KCNIP4: variants seen among roughly 807,000 people sequenced by gnomAD.
The protein encoded by KCNIP4 is Kv channel-interacting protein 4.
In KCNIP4, 12 loss-of-function variants were observed where a neutral mutation model predicts 34.0. The observed-to-expected ratio is 0.35, with a 90% CI of 0.23 to 0.57. The LOEUF is 0.57. KCNIP4 is among the 20% of genes least tolerant of loss of function. The pLI, the probability that KCNIP4 is intolerant of heterozygous loss-of-function variation, is 0.83. For synonymous variants in KCNIP4, 124 were observed against 102.2 expected (o/e 1.21, Z -1.29); for missense variants, 238 against 311.7 (o/e 0.76, Z 1.78).
chr4:21,757,447 C>T (rs1428984361), intron 1 of KCNIP4, among the ~76,000 whole-genome samples: 1 of 151,976 alleles, frequency 6.6e-6, no homozygotes, highest in Non-Finnish European at 1.5e-5. Flanking sequence ...ATTATCTGTC[C>T]CAAGAGAGCA....
chr4:21,172,619 A>G (rs560325370), intron 1 of KCNIP4, among the ~76,000 whole-genome samples: 176 of 152,300 alleles, frequency 1.2e-3, no homozygotes, highest in Admixed American at 2.4e-3. Flanking sequence ...TTGTCCTGGC[A>G]CAGCATGCAT....
chr4:21,513,103 C>T (rs1734469799), intron 1 of KCNIP4, among the ~76,000 whole-genome samples: 1 of 152,148 alleles, frequency 6.6e-6, no homozygotes, highest in African/African-American at 2.4e-5. Flanking sequence ...ATGTTCCAGG[C>T]AGAGAAACAC....
Position 21,718,050 on chromosome 4 carries a change from C to A in KCNIP4, c.61+230521G>T, listed in dbSNP as rs181181392. 2.3e-3 allele frequency among the ~76,000 whole-genome samples: 355 copies of A among 152,228 alleles called. 1 individual carries two copies. Among genetic ancestry groups the A allele is most frequent in the Non-Finnish European group, 2.3e-3 (158 of 68,006 alleles). ...TTAACAAAGGGGCAAAAATAAAAAA[C>A]CATACATTCTCAGAAATAAGCATGC... On this transcript the variant is annotated intron_variant, in intron 1 of 8. Transcript: ENST00000382152.
At chr4:21,690,831 AGCTG>A (rs1233176913) in intron 1 of KCNIP4, among the ~76,000 whole-genome samples, 1 of 152,202 alleles carries the variant, frequency 6.6e-6, no homozygotes, top group Non-Finnish European at 1.5e-5. Context: ...CATTTAATTT[AGCTG>A]ATTATAATGA....
chr4:21,429,115 CCT>C (rs1387783173), intron 1 of KCNIP4, among the ~76,000 whole-genome samples: 1 of 152,126 alleles, frequency 6.6e-6, no homozygotes, highest in East Asian at 1.9e-4. Context: ...CCTTAAAAAT[CCT>C]CTGTGCGCCG....
chr4:21,128,405 T>C (rs1033892633), intron 1 of KCNIP4, among the ~76,000 whole-genome samples: 4 of 152,080 alleles, frequency 2.6e-5, no homozygotes, highest in Non-Finnish European at 4.4e-5. Context: ...AGTGTTCAAA[T>C]AAATAAACCC....
chr4:21,912,723 C>T (rs553915193), intron 1 of KCNIP4, among the ~76,000 whole-genome samples: 2 of 151,768 alleles, frequency 1.3e-5, no homozygotes, highest in African/African-American at 2.4e-5. Context: ...GCCAGTGTGA[C>T]TAAAGCTTAA....
chr4:21,266,911 T>C (rs1267717052), intron 1 of KCNIP4, among the ~76,000 whole-genome samples: 2 of 152,160 alleles, frequency 1.3e-5, no homozygotes, highest in Non-Finnish European at 2.9e-5. Flanking sequence ...TCTTAAGACA[T>C]TGCCTTAACG....
intron 1 of KCNIP4, among the ~76,000 whole-genome samples, chr4:21,872,163 A>G (rs1356354599): frequency 6.6e-6 from 1 of 152,112 alleles, no homozygotes; most frequent in East Asian, 1.9e-4. Flanking sequence ...AGAAGGACCC[A>G]GCTGATCCTG....
intron 3 of KCNIP4, among the ~76,000 whole-genome samples, chr4:20,798,553 G>A (rs1713804357): frequency 6.7e-6 from 1 of 148,790 alleles, no homozygotes. Flanking sequence ...ACACAAAAAA[G>A]CTATGAATAA....
intron 1 of KCNIP4, among the ~76,000 whole-genome samples, chr4:21,122,515 G>A (rs1284218214): frequency 6.8e-6 from 1 of 147,220 alleles, no homozygotes; most frequent in Non-Finnish European, 1.5e-5. Flanking sequence ...TTTTCCCCCA[G>A]TTATTCAGGG....
At chr4:21,831,866 G>A (rs553016676) in intron 1 of KCNIP4, among the ~76,000 whole-genome samples, 2 of 152,012 alleles carry the variant, frequency 1.3e-5, no homozygotes, top group African/African-American at 4.8e-5. Context: ...GAAAATTACA[G>A]ACAAATATCC....
rs34578063 is a variant in KCNIP4 at position 21,618,560 on chromosome 4, GTC to G, written c.61+330009_61+330010del. On this transcript the variant is annotated intron_variant, in intron 1 of 8. Coordinates refer to ENST00000382152, the MANE Select transcript of KCNIP4 (RefSeq NM_025221.6). ...CTCTTTCTCCTTCTCTCTTTTTCTG[GTC>G]TCTCTCTCTCTCTCTCTCACTCTCT... Among the ~76,000 whole-genome samples the G allele has an allele frequency of 2.1e-3, 294 of 140,852 alleles. 3 individuals carry two copies. Among genetic ancestry groups the G allele is most frequent in the African/African-American group, 4.7e-3 (178 of 37,908 alleles). 92.4% of individuals were successfully genotyped at this position (140,852 alleles called of 152,430 possible). A position where few individuals can be genotyped will look rare whatever the true frequency, so the allele number is the denominator to read the frequency against.
At chr4:21,317,373 A>G (rs1262666156) in intron 1 of KCNIP4, among the ~76,000 whole-genome samples, 1 of 152,162 alleles carries the variant, frequency 6.6e-6, no homozygotes, top group Non-Finnish European at 1.5e-5. Context: ...GTCCAAAAAC[A>G]CCTTTAATAA....
chr4:21,520,177 C>A (rs1219463017), intron 1 of KCNIP4, among the ~76,000 whole-genome samples: 4 of 151,974 alleles, frequency 2.6e-5, no homozygotes, highest in Non-Finnish European at 5.9e-5. Context: ...CCTTTCCCAG[C>A]CCACTGATTC....
chr4:20,732,733 T>C lies in KCNIP4; in HGVS notation c.590A>G (p.Tyr197Cys), dbSNP rs990603456. Residue 197 changes from tyrosine to cysteine, a missense_variant, in exon 7 of 9, where the codon TAT becomes TGT. Transcript: ENST00000382152. ...GGGAGCATCTTCTTTGAGGACAGGA[T>C]ATGTACATTTACCCATCATATCGTA... Reference protein sequence around the residue: ...AIYDMMGKCTYPVLKEDAPRQ... With the variant: ...AIYDMMGKCTCPVLKEDAPRQ... 2 of 1,613,024 alleles carry C rather than the reference T, an allele frequency of 1.2e-6. No individual in the cohort carries two copies. Among genetic ancestry groups the C allele is most frequent in the Non-Finnish European group, 1.7e-6 (2 of 1,179,202 alleles).
At chr4:21,851,996 A>ATGTGTG (rs930861529) in intron 1 of KCNIP4, 201 of 10,580 alleles carry the variant, frequency 0.019, no homozygotes, top group Admixed American at 0.022. Flanking sequence ...TTCAATTAAT[A>ATGTGTG]TGTGTGTGTG....
intron 1 of KCNIP4, among the ~76,000 whole-genome samples, chr4:21,133,521 C>T (rs1751255468): frequency 6.6e-6 from 1 of 152,118 alleles, no homozygotes; most frequent in East Asian, 1.9e-4. Flanking sequence ...TTCTTGTCTT[C>T]TATTCTGCCC....
At chr4:21,189,088 C>T (rs577411540) in intron 1 of KCNIP4, among the ~76,000 whole-genome samples, 1 of 152,098 alleles carries the variant, frequency 6.6e-6, no homozygotes, top group Admixed American at 6.6e-5. Context: ...TGTTGCAGAG[C>T]TATTGTAAAA....
Sources: gnomAD v4.1 joint callset for allele counts (sites outside exome capture counted in the v4.1 genomes callset) on GRCh38, gnomAD v4.1.1 for gene constraint, MANE v1.5 for transcripts, NCBI Gene and HGNC (gene_info 2026-07-23, HGNC 2026-07-21) for gene names.